Variants in PRKD3 observed in about 807,000 individuals in gnomAD.
PRKD3 encodes the protein protein kinase D3.
PRKD3 carries 47 observed loss-of-function variants against 99.2 expected under a neutral mutation model. The ratio of observed to expected loss-of-function variants is 0.47; its 90% CI spans 0.38 to 0.60. PRKD3 has a LOEUF of 0.60. Ranked by LOEUF, PRKD3 falls within the 20% of genes least tolerant of loss-of-function variation. The pLI is 0.00. For synonymous variants in PRKD3, 392 were observed against 355.4 expected (o/e 1.10, Z -1.16); for missense variants, 1,019 against 1,088.4 (o/e 0.94, Z 0.90).
intron 2 of PRKD3, among the ~76,000 whole-genome samples, chr2:37,299,511 TACACACACACACACACACACACACAC>T (rs70949749): frequency 2.3e-5 from 3 of 132,502 alleles, no homozygotes; most frequent in South Asian, 2.7e-4. Flanking sequence ...TCTACTAAAA[TACACACACACACACACACACACACAC>T]ACACACACAC....
In PRKD3 at chr2:37,262,904, C is replaced by G. The variant is rs549795751; in HGVS notation, c.1885-2520G>C. ...GTATCCTAAGATTCCTTCCCCCCCC[C>G]GTATTTGTGGTTATCTCCCTAAGAT... On this transcript the variant is annotated intron_variant, in intron 14 of 18. Coordinates refer to ENST00000234179, the MANE Select transcript of PRKD3 (RefSeq NM_005813.6). 1.1e-4 allele frequency among the ~76,000 whole-genome samples: 17 copies of G among 149,364 alleles called. No individual in the cohort carries two copies. The East Asian group carries it at 1.5e-3, about 13-fold the overall frequency.
Position 37,271,763 on chromosome 2 carries a change from C to T in PRKD3, c.1704+617G>A, listed in dbSNP as rs555743227. On this transcript the variant is annotated intron_variant, in intron 12 of 18. Coordinates refer to ENST00000234179, the MANE Select transcript of PRKD3 (RefSeq NM_005813.6). ...TCCGAAACCATCTCCCAACCCCCTA[C>T]CTCCGTGGAAAAACTCTTCCACAAA... Among the ~76,000 whole-genome samples the T allele has an allele frequency of 7.2e-5, 11 of 152,312 alleles. No individual in the cohort carries two copies. In the South Asian group the frequency reaches 2.1e-3, roughly 29 times the overall value.
At position 37,262,895 on chromosome 2, in the gene PRKD3, T is replaced by C. The variant is rs925049219; in HGVS notation, c.1885-2511A>G. ...ATGAGCAAAGTATCCTAAGATTCCT[T>C]CCCCCCCCCGTATTTGTGGTTATCT... On this transcript the variant is annotated intron_variant, in intron 14 of 18. Transcript: ENST00000234179. Among the ~76,000 whole-genome samples, 4 of 144,496 alleles carry C rather than the reference T, an allele frequency of 2.8e-5. No homozygotes were observed. In the East Asian group the frequency reaches 7.1e-4, roughly 26 times the overall value. The allele number at this position is 144,496 out of a possible 152,430, so 94.8% of individuals were successfully genotyped here.
At chr2:37,274,364 C>G in intron 11 of PRKD3, 57 bp downstream of exon 11, 1 of 1,584,498 alleles carries the variant, frequency 6.3e-7, no homozygotes, top group Non-Finnish European at 8.6e-7. Flanking sequence ...CAACCATACC[C>G]ACAAAATGCT....
At chr2:37,266,547 C>T (rs1668857225) in intron 14 of PRKD3, among the ~76,000 whole-genome samples, 3 of 151,138 alleles carry the variant, frequency 2.0e-5, no homozygotes, top group Non-Finnish European at 2.9e-5. Context: ...AGTGCAATGG[C>T]ACAATCTTGG....
chr2:37,293,768 T>C (rs977263437), intron 2 of PRKD3, among the ~76,000 whole-genome samples: 2 of 152,178 alleles, frequency 1.3e-5, no homozygotes, highest in South Asian at 2.1e-4. Flanking sequence ...TATGAATCAG[T>C]TTCACTAAAC....
At chr2:37,274,735 A>G (rs770705546) in intron 10 of PRKD3, 38 bp from the exon 11 acceptor site, 9 of 1,560,374 alleles carry the variant, frequency 5.8e-6, no homozygotes, top group Admixed American at 3.5e-5. Flanking sequence ...ATAAGAATAG[A>G]TCTTTGTTTT....
Position 37,256,858 on chromosome 2 carries a change from A to G in PRKD3, c.2217T>C (p.Thr739=), listed in dbSNP as rs147147349. 6 of 1,613,950 alleles carry G rather than the reference A, an allele frequency of 3.7e-6. No homozygotes were observed. In the African/African-American group the frequency reaches 8.0e-5, roughly 22 times the overall value. The change falls in exon 17 of 19, where the codon ACT becomes ACC. Residue 739 remains threonine, a synonymous_variant. Coordinates refer to ENST00000234179, the MANE Select transcript of PRKD3 (RefSeq NM_005813.6). ...EKSFRRSVVG[T]PAYLAPEVLR... The stretch of plus-strand genomic sequence containing the variant: ...GAACTTCAGGGGCTAAGTATGCTGG[A>G]GTTCCTACCACAGATCTCCTGAATG...
intron 14 of PRKD3, among the ~76,000 whole-genome samples, chr2:37,261,914 G>GT (rs1317149630): frequency 4.6e-5 from 7 of 151,624 alleles, no homozygotes; most frequent in East Asian, 2.0e-4. Context: ...CAACCATTCC[G>GT]TTTTTTTGAG....
chr2:37,322,156 A>T (rs921489968), intron 1 of PRKD3, among the ~76,000 whole-genome samples: 4 of 152,186 alleles, frequency 2.6e-5, no homozygotes, highest in Non-Finnish European at 4.4e-5. Flanking sequence ...GCCTTTTTCA[A>T]TGCAATTCTG....
chr2:37,299,047 C>T (rs977320508), intron 2 of PRKD3, among the ~76,000 whole-genome samples: 1 of 152,082 alleles, frequency 6.6e-6, no homozygotes, highest in African/African-American at 2.4e-5. Flanking sequence ...TTCAGTATAC[C>T]AGCTGCATGT....
chr2:37,254,095 A>C (rs1667742735), intron 18 of PRKD3, 109 bp downstream of exon 18: 1 of 782,712 alleles, frequency 1.3e-6, no homozygotes, highest in African/African-American at 1.7e-5. Flanking sequence ...TAATCACTTA[A>C]GAGCACTTTT....
chr2:37,316,842 A>C lies in PRKD3; in HGVS notation c.-318T>G, dbSNP rs1183142595. On this transcript the variant is annotated 5_prime_UTR_variant, in exon 2 of 19. It adds an upstream start codon to the 5' untranslated region. Transcript: ENST00000234179. ...ATAGAGTTGACGTAGCTTATTTACG[A>C]ATCTATTTTCCTTTCAGTCTGTACT... is the stretch of plus-strand genomic sequence containing the variant. The C allele has an allele frequency of 9.0e-7, 1 of 1,112,276 alleles. No homozygotes were observed. Among genetic ancestry groups the C allele is most frequent in the South Asian group, 3.2e-5 (1 of 31,520 alleles). 68.9% of individuals were successfully genotyped at this position (1,112,276 alleles called of 1,614,324 possible). A position where few individuals can be genotyped will look rare whatever the true frequency, so the allele number is the denominator to read the frequency against.
At position 37,316,643 on chromosome 2, in the gene PRKD3, T is replaced by A; in HGVS notation, c.-119A>T. ...ACTTTTGGATTTAGTTGAAAACTTC[T>A]TTATTTCCTCTGTTAAGCCACTCAT... is the stretch of plus-strand genomic sequence containing the variant. On this transcript the variant is annotated 5_prime_UTR_variant, in exon 2 of 19. It adds an upstream start codon to the 5' untranslated region. Coordinates refer to ENST00000234179, the MANE Select transcript of PRKD3 (RefSeq NM_005813.6). 3 of 1,473,308 alleles carry A rather than the reference T, an allele frequency of 2.0e-6. No homozygotes were observed. The highest frequency in any genetic ancestry group is 2.7e-6 in the Non-Finnish European group (3 of 1,120,446). 91.3% of individuals were successfully genotyped at this position (1,473,308 alleles called of 1,614,324 possible).
chr2:37,254,402 G>A, intron 17 of PRKD3, 113 bp from the exon 18 acceptor site: 1 of 735,224 alleles, frequency 1.4e-6, no homozygotes, highest in Non-Finnish European at 2.4e-6. Flanking sequence ...AGGAATTTTT[G>A]CTTCTCAAGG....
intron 9 of PRKD3, among the ~76,000 whole-genome samples, chr2:37,276,582 GA>G (rs1303431882): frequency 1.3e-5 from 2 of 151,878 alleles, no homozygotes; most frequent in Non-Finnish European, 2.9e-5. Flanking sequence ...AGAATGAGCT[GA>G]AAATATTTTT....
intron 1 of PRKD3, among the ~76,000 whole-genome samples, chr2:37,317,508 AC>A (rs1558584649): frequency 6.6e-6 from 1 of 152,030 alleles, no homozygotes; most frequent in African/African-American, 2.4e-5. Flanking sequence ...TATATCAAAA[AC>A]AGAAGGGACA....
chr2:37,270,785 C>G (rs967408758), intron 12 of PRKD3, among the ~76,000 whole-genome samples: 5 of 152,154 alleles, frequency 3.3e-5, no homozygotes, highest in African/African-American at 1.2e-4. Flanking sequence ...AATTTTGGTT[C>G]TAATCAGATT....
Position 37,254,284 on chromosome 2 carries a change from C to A in PRKD3, c.2419G>T (p.Asp807Tyr). 3 of 1,612,258 alleles carry A rather than the reference C, an allele frequency of 1.9e-6. No individual in the cohort carries two copies. Among genetic ancestry groups the A allele is most frequent in the Non-Finnish European group, 2.5e-6 (3 of 1,178,488 alleles). ...PWREISGEAI[D>Y]LINNLLQVKM... ...ACTTGAAGCAGATTGTTTATCAGAT[C>A]AATTGCTAAGGGAAAAGACAAAACA... Residue 807 changes from aspartate (D) to tyrosine (Y), a missense_variant, in exon 18 of 19, where the codon GAT becomes TAT. By Grantham distance (160) the Asp-to-Tyr change is radical (BLOSUM62 -3). Around this residue, in one of 3 missense-constraint regions of PRKD3, gnomAD observed 125 missense variants for 120.6 expected, o/e 1.04. Transcript: ENST00000234179.
Sources: allele counts gnomAD v4.1 joint callset (sites outside exome capture counted in the v4.1 genomes callset), GRCh38; gene constraint gnomAD v4.1.1; regional missense constraint gnomAD v4.1.1; transcripts MANE v1.5; gene names NCBI Gene and HGNC (gene_info 2026-07-23, HGNC 2026-07-21).